NCOA2: variants seen among roughly 807,000 people sequenced by gnomAD.
The protein encoded by NCOA2 is nuclear receptor coactivator 2, also known as class E basic helix-loop-helix protein 75.
A neutral mutation model predicts 145.1 loss-of-function variants in NCOA2; 21 were observed. That is an observed-to-expected ratio of 0.14 (90% CI 0.10 to 0.21). NCOA2 has a LOEUF of 0.21. Ranked by LOEUF, NCOA2 falls within the 10% of genes least tolerant of loss-of-function variation. The probability of loss-of-function intolerance (pLI) is 1.00; values close to 1 mark genes in which losing one functional copy is unlikely to be tolerated. For synonymous variants in NCOA2, 619 were observed against 637.5 expected (o/e 0.97, Z 0.44); for missense variants, 1,472 against 1,837.6 (o/e 0.80, Z 3.64).
At chr8:70,281,520 G>T (rs1445738670) in intron 2 of NCOA2, among the ~76,000 whole-genome samples, 1 of 152,084 alleles carries the variant, frequency 6.6e-6, no homozygotes, top group Non-Finnish European at 1.5e-5. Context: ...CAAGGGAAAA[G>T]GTGAATTAAG....
In NCOA2 at chr8:70,121,499, G is replaced by A. The variant is rs80210388; in HGVS notation, c.4294-108C>T. ...CTCTGTTTTTAGGGGTGTAAAAACG[G>A]GGAAAAGGAACTGCAGAACAATGGC... On this transcript the variant is annotated intron_variant, in intron 21 of 22. Transcript: ENST00000452400. 4.4e-3 allele frequency: 3,476 copies of A among 790,274 alleles called. 17 individuals are homozygous for A. Among genetic ancestry groups the A allele is most frequent in the Non-Finnish European group, 5.8e-3 (2,700 of 467,402 alleles). 49.0% of individuals were successfully genotyped at this position (790,274 alleles called of 1,614,324 possible). A position where few individuals can be genotyped will look rare whatever the true frequency, so the allele number is the denominator to read the frequency against.
chr8:70,437,928 G>A, the NCOA2 span, among the ~76,000 whole-genome samples: 2 of 152,180 alleles, frequency 1.3e-5, no homozygotes, highest in East Asian at 3.8e-4. Flanking sequence ...CAAAGAGGTA[G>A]AAAACATTGT....
At chr8:70,125,483 G>T (rs746546635) in intron 19 of NCOA2, among the ~76,000 whole-genome samples, 3 of 152,074 alleles carry the variant, frequency 2.0e-5, no homozygotes, top group Non-Finnish European at 4.4e-5. Context: ...GGCTGGTCTT[G>T]AACTCCTGAG....
rs956020154 is a variant in NCOA2 at position 70,380,456 on chromosome 8, T to G, written c.-77+23244A>C. 2.6e-5 allele frequency among the ~76,000 whole-genome samples: 4 copies of G among 152,254 alleles called. No homozygotes were observed. In the East Asian group the frequency reaches 7.7e-4, roughly 29 times the overall value. ...CTGAACACAAATAACAAGACTCATG[T>G]TCCCAAGAATTCCACTTTCTACTAA... On this transcript the variant is annotated intron_variant, in intron 1 of 22. Transcript: ENST00000452400.
intron 1 of NCOA2, among the ~76,000 whole-genome samples, chr8:70,365,902 C>T (rs1810647348): frequency 6.6e-6 from 1 of 152,154 alleles, no homozygotes; most frequent in East Asian, 1.9e-4. Context: ...GCAAGAGAGC[C>T]AGGCCCTTAA....
chr8:70,218,636 T>C (rs750520688), intron 2 of NCOA2, among the ~76,000 whole-genome samples: 5 of 152,314 alleles, frequency 3.3e-5, no homozygotes, highest in East Asian at 3.9e-4. Context: ...TGATACCTTA[T>C]AGACATTCAC....
intron 1 of NCOA2, among the ~76,000 whole-genome samples, chr8:70,375,777 C>T (rs990018358): frequency 3.3e-5 from 5 of 152,082 alleles, no homozygotes; most frequent in Admixed American, 6.5e-5. Flanking sequence ...TCTCTAATTC[C>T]ACCCTATGAA....
chr8:70,124,735 G>A lies in NCOA2; in HGVS notation c.4047C>T (p.Ala1349=). Residue 1349 remains alanine (A), a synonymous_variant, in exon 20 of 23, where the codon GCC becomes GCT. Transcript: ENST00000452400. ...GCGCCCATCCATTTATGTCGGAGGGGGCCTGATAGGCTGGGTTGGCCTGAG... is the reference window on the plus strand; with the variant it reads ...GCGCCCATCCATTTATGTCGGAGGGAGCCTGATAGGCTGGGTTGGCCTGAG... The part of the protein sequence containing the change: ...QQSQANPAYQ[A]PSDINGWAQG... The A allele has an allele frequency of 2.5e-6, 4 of 1,613,258 alleles. No individual in the cohort carries two copies. The highest frequency in any genetic ancestry group is 2.5e-6 in the Non-Finnish European group (3 of 1,179,668).
At position 70,124,864 on chromosome 8, in the gene NCOA2, T is replaced by C. The variant is rs1319154177; in HGVS notation, c.3918A>G (p.Gly1306=). The change falls in exon 20 of 23, where the codon GGA becomes GGG. Residue 1306 remains glycine (G), a splice_region_variant and synonymous_variant. Coordinates refer to ENST00000452400, the MANE Select transcript of NCOA2 (RefSeq NM_006540.4). ...AGCCTGGATCAGGTTGCTGACTTAT[T>C]CCTTAAAAAAAAAAACAGAAACAGA... ...AQQFPFPPNY[G]ISQQPDPGFT... 6 of 1,572,892 alleles carry C rather than the reference T, an allele frequency of 3.8e-6. No individual in the cohort carries two copies. The highest frequency in any genetic ancestry group is 3.4e-4 in the Middle Eastern group (2 of 5,840).
At chr8:70,239,923 C>T (rs116025561) in intron 2 of NCOA2, among the ~76,000 whole-genome samples, 1,739 of 152,326 alleles carry the variant, frequency 0.011, 43 homozygotes, top group African/African-American at 0.04. Flanking sequence ...CAGAAGCAGA[C>T]TGAGAGACCA....
At chr8:70,238,950 C>A (rs1821885424) in intron 2 of NCOA2, among the ~76,000 whole-genome samples, 3 of 152,132 alleles carry the variant, frequency 2.0e-5, no homozygotes, top group African/African-American at 7.2e-5. Flanking sequence ...ACCCACTATT[C>A]TAGAGAAACA....
intron 13 of NCOA2, among the ~76,000 whole-genome samples, chr8:70,142,526 T>G (rs1481921150): frequency 6.6e-6 from 1 of 152,006 alleles, no homozygotes; most frequent in Non-Finnish European, 1.5e-5. Context: ...TGGGGAAGCC[T>G]CATCTCTATA....
rs772769672 is a variant in NCOA2 at position 70,170,411 on chromosome 8, G to A, written c.364-32C>T. ...AACAAAGTACAAATTGTGTTAGAAA[G>A]GATGCAACATAACATCACATGCAAT... On this transcript the variant is annotated intron_variant, in intron 5 of 22. Transcript: ENST00000452400. 40 of 1,506,754 alleles carry A rather than the reference G, an allele frequency of 2.7e-5. No homozygotes were observed. In the African/African-American group the frequency reaches 5.3e-4, roughly 20 times the overall value. 93.3% of individuals were successfully genotyped at this position (1,506,754 alleles called of 1,614,324 possible).
chr8:70,251,053 G>A (rs1823127947), intron 2 of NCOA2, among the ~76,000 whole-genome samples: 1 of 152,094 alleles, frequency 6.6e-6, no homozygotes, highest in Non-Finnish European at 1.5e-5. Context: ...AGTCACTTGG[G>A]CCTCTGACCT....
At position 70,355,136 on chromosome 8, in the gene NCOA2, A is replaced by G. The variant is rs73288549; in HGVS notation, c.-77+48564T>C. ...TGATCAAGTTATCAATTGTACTTCT[A>G]TCTCTATTACTATGTTGACCATATG... On this transcript the variant is annotated intron_variant, in intron 1 of 22. Transcript: ENST00000452400. Among the ~76,000 whole-genome samples the G allele has an allele frequency of 4.2e-3, 642 of 152,348 alleles. 6 individuals are homozygous for G. Among genetic ancestry groups the G allele is most frequent in the African/African-American group, 0.015 (612 of 41,578 alleles).
At chr8:70,191,942 T>C (rs1351459299) in intron 4 of NCOA2, among the ~76,000 whole-genome samples, 2 of 152,118 alleles carry the variant, frequency 1.3e-5, no homozygotes, top group Admixed American at 6.5e-5. Flanking sequence ...TTGGGGAGGC[T>C]GAGGCAGGAG....
At chr8:70,147,514 T>A (rs1474234389) in intron 12 of NCOA2, among the ~76,000 whole-genome samples, 1 of 152,254 alleles carries the variant, frequency 6.6e-6, no homozygotes, top group Non-Finnish European at 1.5e-5. Context: ...TCATAAATTA[T>A]GGCCTTGCTA....
In NCOA2 at chr8:70,156,831, T is replaced by C; in HGVS notation, c.1534A>G (p.Ser512Gly). The C allele has an allele frequency of 3.1e-6, 5 of 1,614,008 alleles. No homozygotes were observed. Among genetic ancestry groups the C allele is most frequent in the Non-Finnish European group, 4.2e-6 (5 of 1,179,882 alleles). ...IPPSQFSPAG[S>G]LHSPVGVCSS... is the part of the protein sequence containing the mutation. ...CAAACTCCCACAGGGGAATGCAAGC[T>C]TCCTGCAGGGGAAAACTGACTGGGT... Residue 512 changes from serine to glycine, a missense_variant, in exon 11 of 23, where the codon AGC becomes GGC. Coordinates refer to ENST00000452400, the MANE Select transcript of NCOA2 (RefSeq NM_006540.4).
the NCOA2 span, among the ~76,000 whole-genome samples, chr8:70,409,608 C>G: frequency 6.6e-6 from 1 of 152,084 alleles, no homozygotes; most frequent in Non-Finnish European, 1.5e-5. Context: ...CATCAGCCAT[C>G]CTTGTATTCC....
Sources: gnomAD v4.1 joint callset for allele counts (sites outside exome capture counted in the v4.1 genomes callset) on GRCh38, gnomAD v4.1.1 for gene constraint, MANE v1.5 for transcripts, NCBI Gene and HGNC (gene_info 2026-07-23, HGNC 2026-07-21) for gene names.